The following OR1L8 variants were observed in gnomAD, a reference collection of about 807,000 sequenced individuals.
OR1L8 encodes olfactory receptor 1L8.
For missense variants in OR1L8, 330 were observed against 377.4 expected (o/e 0.87, Z 1.04); for synonymous variants, 148 against 147.0 (o/e 1.01, Z -0.05).
At chr9:122,553,031 G>C in the OR1L8 span, 3 of 684,686 alleles carry the variant, frequency 4.4e-6, no homozygotes, top group African/African-American at 3.6e-5. Flanking sequence ...TGTCTCTTGG[G>C]TATTTCCTTG....
chr9:122,550,229 A>G, the OR1L8 span, among the ~76,000 whole-genome samples: 1 of 152,168 alleles, frequency 6.6e-6, no homozygotes, highest in Non-Finnish European at 1.5e-5. Context: ...AAATAAACCA[A>G]TACTGAGTAG....
In OR1L8 at chr9:122,579,449, T is replaced by C. The variant is rs527333267; in HGVS notation, c.-599-1004A>G. On this transcript the variant is annotated intron_variant, in intron 1 of 4. Coordinates refer to ENST00000641027, the MANE Select transcript of OR1L8 (RefSeq NM_001004454.2). ...GCTCTTTCTCTCCTTTAAGAGAGAA[T>C]TGAAGTCATTTCCTTGTACTGGAGC... Among the ~76,000 whole-genome samples, 7 of 152,268 alleles carry C rather than the reference T, an allele frequency of 4.6e-5. No homozygotes were observed. In the South Asian group the frequency reaches 6.2e-4, roughly 14 times the overall value.
At chr9:122,551,136 C>G in the OR1L8 span, among the ~76,000 whole-genome samples, 1 of 152,124 alleles carries the variant, frequency 6.6e-6, no homozygotes, top group Non-Finnish European at 1.5e-5. Flanking sequence ...AGAACCAAAT[C>G]AAGACCTCAA....
chr9:122,547,657 G>GTGTGTGTGTA, the OR1L8 span, among the ~76,000 whole-genome samples: 14 of 147,812 alleles, frequency 9.5e-5, no homozygotes, highest in African/African-American at 3.5e-4. Flanking sequence ...GTGTGTGTGT[G>GTGTGTGTGTA]TACATACACA....
At chr9:122,557,977 T>A in the OR1L8 span, among the ~76,000 whole-genome samples, 60 of 152,150 alleles carry the variant, frequency 3.9e-4, 1 homozygote, top group East Asian at 0.011. Flanking sequence ...TCATTTAAGT[T>A]ATCATGTTTG....
Position 122,567,686 on chromosome 9 carries a change from T to TG in OR1L8, c.791dup (p.Ser265IlefsTer55). On this transcript the variant is annotated frameshift_variant, in exon 5 of 5. Coordinates refer to ENST00000641027, the MANE Select transcript of OR1L8 (RefSeq NM_001004454.2). LOFTEE classifies it low-confidence loss of function (END_TRUNC). The stretch of plus-strand genomic sequence containing the variant: ...CGTGGTCCTTGACAGCGTAGGTGGA[T>TG]GGGGGCTGTAAATAGACACAGAAGA... The TG allele has an allele frequency of 6.2e-7, 1 of 1,614,066 alleles. No individual in the cohort carries two copies.
chr9:122,554,811 G>A, the OR1L8 span, among the ~76,000 whole-genome samples: 3 of 31,768 alleles, frequency 9.4e-5, no homozygotes, highest in African/African-American at 2.7e-4. Context: ...CTCTTCTGTT[G>A]TAGTAAATAG....
At chr9:122,563,830 C>G (rs1356972170), downstream of OR1L8, among the ~76,000 whole-genome samples, 1 of 152,008 alleles carries the variant, frequency 6.6e-6, no homozygotes, top group Admixed American at 6.6e-5. Flanking sequence ...TTTGCATACA[C>G]ATATTCAGTT....
chr9:122,554,183 G>A, the OR1L8 span: 2 of 1,567,624 alleles, frequency 1.3e-6, no homozygotes, highest in Middle Eastern at 1.7e-4. Flanking sequence ...AGACGGTGAT[G>A]TCTAATCTTG....
At chr9:122,560,113 G>A in the OR1L8 span, among the ~76,000 whole-genome samples, 1 of 151,764 alleles carries the variant, frequency 6.6e-6, no homozygotes, top group East Asian at 1.9e-4. Flanking sequence ...TATTTTTGTT[G>A]GTTTAAAATC....
chr9:122,553,522 T>C, the OR1L8 span: 1 of 1,614,126 alleles, frequency 6.2e-7, no homozygotes, highest in East Asian at 2.2e-5. Flanking sequence ...CTTGCACAGC[T>C]ATATTTCCTC....
At chr9:122,581,891 G>A (rs1430441680) in intron 1 of OR1L8, among the ~76,000 whole-genome samples, 6 of 152,102 alleles carry the variant, frequency 3.9e-5, no homozygotes, top group African/African-American at 7.2e-5. Context: ...CAGCCTGGGC[G>A]ATACAGTGAG....
At chr9:122,571,251 G>A (rs1829542021) in intron 4 of OR1L8, among the ~76,000 whole-genome samples, 1 of 152,104 alleles carries the variant, frequency 6.6e-6, no homozygotes, top group Non-Finnish European at 1.5e-5. Context: ...ACAATCAGGT[G>A]GGTAAAACTG....
the OR1L8 span, among the ~76,000 whole-genome samples, chr9:122,547,620 A>AGTGTGT: frequency 0.1 from 14,897 of 142,836 alleles, 855 homozygotes; most frequent in Middle Eastern, 0.13. Flanking sequence ...GTAGTAGTTC[A>AGTGTGT]GTGTGTGTGT....
chr9:122,583,203 G>A (rs1315564679), intron 1 of OR1L8, 118 bp downstream of exon 1: 3 of 151,510 alleles, frequency 2.0e-5, no homozygotes, highest in Non-Finnish European at 4.4e-5. Flanking sequence ...GTCTGATTTT[G>A]CAAAACAATC....
chr9:122,573,691 C>A (rs1829592135), intron 3 of OR1L8, among the ~76,000 whole-genome samples: 1 of 152,108 alleles, frequency 6.6e-6, no homozygotes, highest in Non-Finnish European at 1.5e-5. Context: ...CAGTATGTGG[C>A]TTATTTTTTT....
At chr9:122,563,121 T>C (rs1283093712), downstream of OR1L8, among the ~76,000 whole-genome samples, 11 of 152,208 alleles carry the variant, frequency 7.2e-5, no homozygotes, top group African/African-American at 2.7e-4. Context: ...GATGTACTAA[T>C]TTATATTCTC....
rs1023920596 is a variant in OR1L8, at chr9:122,568,251, G to A, written c.227C>T (p.Thr76Ile). The A allele has an allele frequency of 5.6e-6, 9 of 1,614,042 alleles. No individual in the cohort carries two copies. Among genetic ancestry groups the A allele is most frequent in the Non-Finnish European group, 7.6e-6 (9 of 1,179,904 alleles). ...CATCAGCATCTTGGGGACAACGCTT[G>A]TTGTAAAGCAAATATCAGTGAGAGA... ...FLSLTDICFT[T>I]SVVPKMLMNF... is the part of the protein sequence containing the mutation. The change falls in exon 5 of 5, where the codon ACA (threonine) becomes ATA (isoleucine). Residue 76 changes from threonine to isoleucine, a missense_variant. Transcript: ENST00000641027.
chr9:122,552,057 ACTCT>A, the OR1L8 span, among the ~76,000 whole-genome samples: 14,867 of 143,776 alleles, frequency 0.1, 998 homozygotes, highest in East Asian at 0.33. Flanking sequence ...ACACACATAC[ACTCT>A]CTCTCTCTCT....
Sources: gnomAD v4.1 joint callset for allele counts (sites outside exome capture counted in the v4.1 genomes callset) on GRCh38, gnomAD v4.1.1 for gene constraint, MANE v1.5 for transcripts, NCBI Gene and HGNC (gene_info 2026-07-23, HGNC 2026-07-21) for gene names.